Variants in TRAPPC12 observed in about 807,000 individuals in gnomAD.
TRAPPC12 encodes trafficking protein particle complex subunit 12.
In TRAPPC12, 61 loss-of-function variants were observed where a neutral mutation model predicts 69.2. The ratio of observed to expected loss-of-function variants is 0.88; its 90% CI spans 0.72 to 1.09. The LOEUF (loss-of-function observed/expected upper bound fraction) is 1.09. Among genes scored for constraint, TRAPPC12 ranks in the 50% least tolerant of loss-of-function variants. The pLI, the probability that TRAPPC12 is intolerant of heterozygous loss-of-function variation, is 0.00. For synonymous variants in TRAPPC12, 469 were observed against 438.9 expected, an observed-to-expected ratio of 1.07 and a Z score of -0.86; for missense variants, 1,101 against 1,016.4, an observed-to-expected ratio of 1.08 and a Z score of -1.13.
intron 5 of TRAPPC12, among the ~76,000 whole-genome samples, chr2:3,440,117 A>C (rs1213589329): frequency 6.6e-6 from 1 of 152,148 alleles, no homozygotes; most frequent in African/African-American, 2.4e-5. Context: ...TAGCTCTGTA[A>C]GGTGGGTAGT....
At chr2:3,443,102 A>T (rs1664310641) in intron 5 of TRAPPC12, among the ~76,000 whole-genome samples, 3 of 152,212 alleles carry the variant, frequency 2.0e-5, no homozygotes. Context: ...AGGTGATACG[A>T]TATAAAGGGG....
chr2:3,419,488 T>C (rs1016041638), intron 3 of TRAPPC12, among the ~76,000 whole-genome samples: 1 of 152,200 alleles, frequency 6.6e-6, no homozygotes, highest in South Asian at 2.1e-4. Context: ...CCTGTATTAC[T>C]TGCTGTAGTC....
At chr2:3,450,118 A>G (rs1185447962) in intron 6 of TRAPPC12, among the ~76,000 whole-genome samples, 4 of 152,156 alleles carry the variant, frequency 2.6e-5, no homozygotes, top group South Asian at 2.1e-4. Context: ...ATCCTGGGAC[A>G]TGGACTTAGG....
intron 3 of TRAPPC12, among the ~76,000 whole-genome samples, chr2:3,415,739 CAG>C (rs1376350289): frequency 7.5e-6 from 1 of 133,384 alleles, no homozygotes; most frequent in African/African-American, 2.9e-5. Flanking sequence ...TTTTTTGAGG[CAG>C]AGTCTCGCTC....
chr2:3,380,868 T>C (rs996299600), intron 1 of TRAPPC12, among the ~76,000 whole-genome samples: 1 of 152,228 alleles, frequency 6.6e-6, no homozygotes, highest in African/African-American at 2.4e-5. Context: ...TATTTAATCC[T>C]CTTTATTCTG....
intron 3 of TRAPPC12, 63 bp downstream of exon 3, chr2:3,401,956 AT>A: frequency 8.9e-7 from 1 of 1,124,882 alleles, no homozygotes. Context: ...CCTTCATAAT[AT>A]TTTCTCTAGA....
intron 4 of TRAPPC12, among the ~76,000 whole-genome samples, chr2:3,422,423 A>G (rs917117444): frequency 6.6e-6 from 1 of 151,682 alleles, no homozygotes; most frequent in African/African-American, 2.4e-5. Flanking sequence ...TCTGAAATTT[A>G]AAAAAAAAGA....
chr2:3,440,219 A>G (rs895402341), intron 5 of TRAPPC12, among the ~76,000 whole-genome samples: 4 of 152,186 alleles, frequency 2.6e-5, no homozygotes, highest in Admixed American at 6.5e-5. Flanking sequence ...TTTTGTTGAT[A>G]ACCACAAAAT....
intron 2 of TRAPPC12, among the ~76,000 whole-genome samples, chr2:3,399,711 GTTC>G (rs1239365636): frequency 2.6e-5 from 4 of 152,186 alleles, no homozygotes; most frequent in Admixed American, 2.0e-4. Flanking sequence ...TCTAGATTCT[GTTC>G]TTCTTTTAAG....
Position 3,421,987 on chromosome 2 carries a change from C to A in TRAPPC12, c.1271C>A (p.Ser424Ter). The A allele has an allele frequency of 6.2e-7, 1 of 1,611,924 alleles. No homozygotes were observed. Among genetic ancestry groups the A allele is most frequent in the South Asian group, 1.1e-5 (1 of 90,546 alleles). The part of the protein sequence containing the change: ...SGLLTSHTTD[S>*]LQLWFVRLAL... The stretch of plus-strand genomic sequence containing the variant: ...CTGCTCACCAGCCACACGACAGATT[C>A]ACTGCAGGTGAGAACACCTTTCAGG... Residue 424 changes from serine to a stop codon, truncating the protein, a stop_gained, in exon 4 of 12, where the codon TCA (serine) becomes TAA (stop). Transcript: ENST00000324266. LOFTEE classifies it high-confidence loss of function.
At chr2:3,421,527 A>G (rs1188807685) in intron 3 of TRAPPC12, among the ~76,000 whole-genome samples, 1 of 152,280 alleles carries the variant, frequency 6.6e-6, no homozygotes, top group Non-Finnish European at 1.5e-5. Flanking sequence ...AAATCTTAAG[A>G]TAATCTTGCT....
At chr2:3,401,711 G>T (rs948965079) in intron 2 of TRAPPC12, 66 bp from the exon 3 acceptor site, 2 of 1,104,572 alleles carry the variant, frequency 1.8e-6, no homozygotes, top group African/African-American at 3.2e-5. Flanking sequence ...TTAGTTATGG[G>T]TTCTGGTTAG....
rs1003895247 is a variant in TRAPPC12, at chr2:3,387,965, C to T, written c.342C>T (p.Ala114=). 1.8e-5 allele frequency: 27 copies of T among 1,478,068 alleles called. No homozygotes were observed. The highest frequency in any genetic ancestry group is 2.9e-5 in the African/African-American group (2 of 68,254). 91.6% of individuals were successfully genotyped at this position (1,478,068 alleles called of 1,614,324 possible). A position where few individuals can be genotyped will look rare whatever the true frequency, so the allele number is the denominator to read the frequency against. ...PAGTPSPSGE[A]DGDCAPEDAA... The stretch of plus-strand genomic sequence containing the variant: ...GCACCCCGAGTCCCAGCGGCGAGGC[C>T]GACGGCGACTGTGCCCCCGAGGACG... Residue 114 remains alanine (A), a synonymous_variant, in exon 2 of 12, where the codon GCC becomes GCT. Transcript: ENST00000324266.
At chr2:3,391,798 G>T (rs1015731655) in intron 2 of TRAPPC12, among the ~76,000 whole-genome samples, 3 of 151,950 alleles carry the variant, frequency 2.0e-5, no homozygotes, top group African/African-American at 2.4e-5. Context: ...GTCCCCCCAA[G>T]ATGGCTTTCA....
chr2:3,461,353 T>G (rs190196685), intron 8 of TRAPPC12, among the ~76,000 whole-genome samples: 1 of 151,630 alleles, frequency 6.6e-6, no homozygotes, highest in African/African-American at 2.4e-5. Flanking sequence ...CACCCCGGCT[T>G]TAGCGCAGCC....
chr2:3,443,205 CA>C (rs938331979), intron 5 of TRAPPC12, among the ~76,000 whole-genome samples: 8 of 152,248 alleles, frequency 5.3e-5, no homozygotes, highest in Non-Finnish European at 2.9e-5. Flanking sequence ...TGCCTCCTGT[CA>C]GAGGTGGAAC....
At chr2:3,400,628 A>T (rs982784572) in intron 2 of TRAPPC12, among the ~76,000 whole-genome samples, 1 of 152,180 alleles carries the variant, frequency 6.6e-6, no homozygotes, top group Non-Finnish European at 1.5e-5. Context: ...CGTGGAGAGC[A>T]TCGTGTCCTG....
chr2:3,459,628 GCTC>G (rs1454297617), intron 7 of TRAPPC12, among the ~76,000 whole-genome samples: 2 of 152,218 alleles, frequency 1.3e-5, no homozygotes, highest in Non-Finnish European at 2.9e-5. Flanking sequence ...GACGGGCCAG[GCTC>G]AGGGTCGCGG....
chr2:3,388,706 T>A, intron 2 of TRAPPC12, 36 bp downstream of exon 2: 1 of 1,492,206 alleles, frequency 6.7e-7, no homozygotes, highest in Non-Finnish European at 9.0e-7. Flanking sequence ...AGCCCGTGCC[T>A]CCTCTCTGCG....
Sources: allele counts gnomAD v4.1 joint callset (sites outside exome capture counted in the v4.1 genomes callset), GRCh38; gene constraint gnomAD v4.1.1; transcripts MANE v1.5; gene names NCBI Gene and HGNC (gene_info 2026-07-23, HGNC 2026-07-21).